Variants in SIN3A observed in about 807,000 individuals in gnomAD.
The protein encoded by SIN3A is paired amphipathic helix protein Sin3a.
In SIN3A, 14 loss-of-function variants were observed where a neutral mutation model predicts 146.1. That is an observed-to-expected ratio of 0.10 (90% CI 0.06 to 0.15). The LOEUF (loss-of-function observed/expected upper bound fraction) is 0.15. Ranked by LOEUF, SIN3A falls within the 10% of genes least tolerant of loss-of-function variation. SIN3A has a pLI of 1.00. For missense variants in SIN3A, 1,028 were observed against 1,576.0 expected (o/e 0.65, Z 5.89); for synonymous variants, 572 against 572.0 (o/e 1.00, Z 0.00).
upstream of SIN3A, chr15:75,452,889 G>A (rs752332287): frequency 4.6e-5 from 7 of 152,260 alleles, no homozygotes; most frequent in Non-Finnish European, 1.0e-4. Flanking sequence ...CTCCTTGGCC[G>A]GGAGTGTTAA....
At chr15:75,449,577 G>A (rs956556820) in intron 1 of SIN3A, among the ~76,000 whole-genome samples, 31 of 152,182 alleles carry the variant, frequency 2.0e-4, no homozygotes, top group African/African-American at 7.0e-4. Context: ...ACAGGCTGGA[G>A]GGCAACGCTA....
chr15:75,383,124 T>C (rs576561897), intron 17 of SIN3A, among the ~76,000 whole-genome samples: 2 of 150,342 alleles, frequency 1.3e-5, no homozygotes, highest in African/African-American at 2.5e-5. Context: ...AAAAAAAAAT[T>C]AGCTGGACAT....
chr15:75,442,119 T>TTAAA (rs2074223318), intron 1 of SIN3A, among the ~76,000 whole-genome samples: 1 of 19,930 alleles, frequency 5.0e-5, no homozygotes, highest in Non-Finnish European at 9.6e-5. Flanking sequence ...AGACTCTGTC[T>TTAAA]CAAAAAAAAA....
At chr15:75,431,229 G>GT (rs1414342742) in intron 1 of SIN3A, among the ~76,000 whole-genome samples, 1 of 152,140 alleles carries the variant, frequency 6.6e-6, no homozygotes, top group African/African-American at 2.4e-5. Flanking sequence ...AAGATGCTAC[G>GT]TAACTTCAAC....
At chr15:75,378,425 G>A (rs1033023255) in intron 19 of SIN3A, among the ~76,000 whole-genome samples, 6 of 152,152 alleles carry the variant, frequency 3.9e-5, no homozygotes, top group Admixed American at 6.6e-5. Context: ...TCAGCCGGGC[G>A]TGGTGGCACA....
chr15:75,410,020 G>C (rs886714645), intron 7 of SIN3A, 29 bp from the exon 8 acceptor site: 1 of 1,611,694 alleles, frequency 6.2e-7, no homozygotes, highest in South Asian at 1.1e-5. Flanking sequence ...TGAGATTAAT[G>C]CTCTTATCAA....
Position 75,451,583 on chromosome 15 carries a change from T to TGGGAAGGAGGGAGGGA in SIN3A, c.-210_-195dup, listed in dbSNP as rs2074411178. On this transcript the variant is annotated 5_prime_UTR_variant, in exon 1 of 21. Transcript: ENST00000394947. ...CGGTCACAGGCTCCGGTGCCCAGAC[T>TGGGAAGGAGGGAGGGA]GGGAAGGAGGGAGGGAGGGAGGGAG... 2.2e-5 allele frequency: 1 copy of TGGGAAGGAGGGAGGGA among 45,198 alleles called. No individual in the cohort carries two copies. The highest frequency in any genetic ancestry group is 8.9e-5 in the African/African-American group (1 of 11,280). 2.8% of individuals were successfully genotyped at this position (45,198 alleles called of 1,614,324 possible).
At chr15:75,373,415 G>A (rs1387003238) in intron 20 of SIN3A, among the ~76,000 whole-genome samples, 1 of 152,080 alleles carries the variant, frequency 6.6e-6, no homozygotes, top group Non-Finnish European at 1.5e-5. Context: ...CAGGGCCACT[G>A]ATAGGCAAGT....
chr15:75,409,675 C>A (rs1487634137), intron 8 of SIN3A, among the ~76,000 whole-genome samples, 161 bp downstream of exon 8: 1 of 151,194 alleles, frequency 6.6e-6, no homozygotes, highest in Non-Finnish European at 1.5e-5. Flanking sequence ...TGCAGTGAGC[C>A]GAGATCGTGC....
chr15:75,452,418 C>G (rs1384991492), upstream of SIN3A, among the ~76,000 whole-genome samples: 3 of 152,222 alleles, frequency 2.0e-5, no homozygotes, highest in African/African-American at 7.2e-5. Flanking sequence ...AGGCAGCCCA[C>G]CATGGAGGAC....
chr15:75,416,387 G>A (rs1196773346), intron 3 of SIN3A, among the ~76,000 whole-genome samples: 1 of 152,182 alleles, frequency 6.6e-6, no homozygotes, highest in Non-Finnish European at 1.5e-5. Context: ...GTGCAGTGGT[G>A]CGATCTTGGC....
intron 2 of SIN3A, among the ~76,000 whole-genome samples, chr15:75,425,298 G>A (rs368395852): frequency 2.0e-5 from 3 of 152,192 alleles, no homozygotes; most frequent in Middle Eastern, 3.2e-3. Flanking sequence ...AGCCTCCTGA[G>A]TAGCTGGGAT....
At chr15:75,386,932 A>G (rs2073095256) in intron 16 of SIN3A, among the ~76,000 whole-genome samples, 1 of 152,126 alleles carries the variant, frequency 6.6e-6, no homozygotes, top group South Asian at 2.1e-4. Context: ...TAGCCTCCTG[A>G]GTAGCTGGGA....
chr15:75,389,962 A>G (rs1001629087), intron 15 of SIN3A, 141 bp from the exon 16 acceptor site: 19 of 739,118 alleles, frequency 2.6e-5, no homozygotes, highest in South Asian at 3.6e-5. Flanking sequence ...ACTCATTCCA[A>G]TGTAAACAGA....
chr15:75,432,688 A>AG (rs1334321591), intron 1 of SIN3A, among the ~76,000 whole-genome samples: 29 of 149,608 alleles, frequency 1.9e-4, no homozygotes, highest in African/African-American at 7.1e-4. Flanking sequence ...TCTGTCTCAA[A>AG]AAAAAAAAAA....
chr15:75,403,225 C>T (rs546440036), intron 9 of SIN3A, among the ~76,000 whole-genome samples: 7 of 151,684 alleles, frequency 4.6e-5, no homozygotes, highest in South Asian at 4.2e-4. Context: ...GAGTTTGAGA[C>T]CAGCCTGGCC....
chr15:75,403,472 C>T (rs550528440), intron 9 of SIN3A, among the ~76,000 whole-genome samples: 9 of 151,708 alleles, frequency 5.9e-5, no homozygotes, highest in South Asian at 4.2e-4. Context: ...ACTGAGATCT[C>T]GGAGTATACC....
intron 1 of SIN3A, among the ~76,000 whole-genome samples, chr15:75,440,805 G>C (rs1301106006): frequency 1.3e-5 from 2 of 151,750 alleles, no homozygotes; most frequent in East Asian, 3.9e-4. Context: ...ACAAGGTGAA[G>C]CCCCGTCTTT....
intron 9 of SIN3A, among the ~76,000 whole-genome samples, chr15:75,404,770 A>C (rs952082965): frequency 3.4e-5 from 1 of 29,054 alleles, no homozygotes; most frequent in Non-Finnish European, 6.2e-5. Context: ...AAAAAAAATA[A>C]AAAAAAAACA....
Sources: gnomAD v4.1 joint callset for allele counts (sites outside exome capture counted in the v4.1 genomes callset) on GRCh38, gnomAD v4.1.1 for gene constraint, MANE v1.5 for transcripts, NCBI Gene and HGNC (gene_info 2026-07-23, HGNC 2026-07-21) for gene names.